Variants in GPC6 observed in about 807,000 individuals in gnomAD.
The protein encoded by GPC6 is glypican-6.
Under a neutral mutation model 55.2 loss-of-function variants are expected in GPC6, and 14 were observed. The observed-to-expected ratio is 0.25, with a 90% CI of 0.17 to 0.40. GPC6 has a LOEUF of 0.40. Among genes scored for constraint, GPC6 ranks in the 10% least tolerant of loss-of-function variants. The probability of loss-of-function intolerance (pLI) is 1.00; values close to 1 mark genes in which losing one functional copy is unlikely to be tolerated. For missense variants in GPC6, 641 were observed against 708.5 expected (o/e 0.90, Z 1.08); for synonymous variants, 278 against 259.6 (o/e 1.07, Z -0.68).
At chr13:93,806,308 A>AT (rs926238427) in intron 2 of GPC6, among the ~76,000 whole-genome samples, 1 of 151,422 alleles carries the variant, frequency 6.6e-6, no homozygotes, top group Admixed American at 6.6e-5. Context: ...ACAACGTATA[A>AT]TTTTTTTTTC....
chr13:93,661,051 G>C (rs1880900044), intron 2 of GPC6, among the ~76,000 whole-genome samples: 1 of 152,144 alleles, frequency 6.6e-6, no homozygotes, highest in Non-Finnish European at 1.5e-5. Flanking sequence ...AAGATTTACT[G>C]CACTTCTTGG....
chr13:93,267,563 C>T (rs1877366526), intron 1 of GPC6, among the ~76,000 whole-genome samples: 2 of 152,010 alleles, frequency 1.3e-5, no homozygotes, highest in African/African-American at 2.4e-5. Flanking sequence ...TCTAAATGAT[C>T]TTATATAAGT....
intron 3 of GPC6, among the ~76,000 whole-genome samples, chr13:93,890,385 G>A (rs777751591): frequency 3.3e-5 from 5 of 152,042 alleles, no homozygotes; most frequent in Non-Finnish European, 7.4e-5. Context: ...ACTTCTGCAT[G>A]CCTTTATATA....
At chr13:94,015,898 A>G (rs1414557009) in intron 3 of GPC6, among the ~76,000 whole-genome samples, 2 of 152,166 alleles carry the variant, frequency 1.3e-5, no homozygotes, top group African/African-American at 2.4e-5. Context: ...CATTGTTGCT[A>G]TTTTACAAAA....
At chr13:93,819,678 T>C (rs75798716) in intron 2 of GPC6, among the ~76,000 whole-genome samples, 2,448 of 152,306 alleles carry the variant, frequency 0.016, 32 homozygotes, top group Non-Finnish European at 0.026. Flanking sequence ...TAGGGTGAGA[T>C]AGAAATGCAG....
At chr13:94,236,886 C>CT (rs34883180) in intron 4 of GPC6, among the ~76,000 whole-genome samples, 76,798 of 144,770 alleles carry the variant, frequency 0.53, 20,394 homozygotes, top group East Asian at 0.63. Flanking sequence ...AAGCAGAAAG[C>CT]TTTTTTTTTT....
chr13:93,416,406 G>A (rs1054728620), intron 1 of GPC6, among the ~76,000 whole-genome samples: 1 of 151,808 alleles, frequency 6.6e-6, no homozygotes, highest in Non-Finnish European at 1.5e-5. Flanking sequence ...TTTGATTTTC[G>A]ATTTTTGTGA....
At chr13:93,897,119 G>A (rs1332804890) in intron 3 of GPC6, among the ~76,000 whole-genome samples, 1 of 151,472 alleles carries the variant, frequency 6.6e-6, no homozygotes, top group Non-Finnish European at 1.5e-5. Flanking sequence ...AAAAAATAAA[G>A]TGGACCTCAT....
intron 2 of GPC6, among the ~76,000 whole-genome samples, chr13:93,711,607 T>A (rs1883069581): frequency 6.6e-6 from 1 of 151,326 alleles, no homozygotes; most frequent in East Asian, 2.0e-4. Flanking sequence ...GGTCTAAGAA[T>A]CTCCAGTTGT....
upstream of GPC6, among the ~76,000 whole-genome samples, chr13:93,225,230 A>T (rs746789813): frequency 7.2e-5 from 11 of 152,208 alleles, no homozygotes; most frequent in African/African-American, 9.7e-5. Flanking sequence ...TACAAAGAGA[A>T]GTTTGAAGGA....
At chr13:93,223,042 A>C (rs867627772), upstream of GPC6, among the ~76,000 whole-genome samples, 361 of 32,038 alleles carry the variant, frequency 0.011, 2 homozygotes, top group African/African-American at 0.035. Flanking sequence ...TTTTTTTTTC[A>C]GAAATCTCCA....
chr13:94,119,247 GA>G (rs1312305257), intron 4 of GPC6, among the ~76,000 whole-genome samples: 4 of 151,204 alleles, frequency 2.6e-5, no homozygotes, highest in East Asian at 1.9e-4. Flanking sequence ...ACATTCTGGA[GA>G]AAAAAAAGGG....
chr13:93,829,651 T>G (rs931894761), intron 2 of GPC6, among the ~76,000 whole-genome samples: 2 of 152,172 alleles, frequency 1.3e-5, no homozygotes, highest in African/African-American at 4.8e-5. Flanking sequence ...TTGCTATATA[T>G]AGAAACTAGA....
At chr13:94,004,392 G>A (rs556032136) in intron 3 of GPC6, among the ~76,000 whole-genome samples, 7 of 151,660 alleles carry the variant, frequency 4.6e-5, no homozygotes, top group Non-Finnish European at 8.8e-5. Flanking sequence ...TGATGTGACC[G>A]AGCCAGGCAC....
At chr13:93,418,511 C>T (rs141870775) in intron 1 of GPC6, among the ~76,000 whole-genome samples, 1,533 of 151,316 alleles carry the variant, frequency 0.01, 22 homozygotes, top group African/African-American at 0.033. Flanking sequence ...ATTAATAGCA[C>T]TATACCATAG....
intron 4 of GPC6, among the ~76,000 whole-genome samples, chr13:94,270,312 A>G (rs1201630709): frequency 6.6e-6 from 1 of 152,258 alleles, no homozygotes; most frequent in East Asian, 1.9e-4. Flanking sequence ...TAATAGTGCA[A>G]AATCAGGTAA....
chr13:93,802,967 T>A (rs1886426609), intron 2 of GPC6, among the ~76,000 whole-genome samples: 1 of 152,168 alleles, frequency 6.6e-6, no homozygotes, highest in African/African-American at 2.4e-5. Flanking sequence ...TCTGAAAACA[T>A]GTTATTTTTC....
At chr13:94,345,138 C>A (rs1244087858) in intron 6 of GPC6, among the ~76,000 whole-genome samples, 1 of 152,144 alleles carries the variant, frequency 6.6e-6, no homozygotes, top group African/African-American at 2.4e-5. Flanking sequence ...AAAATTCACC[C>A]TGTTTCTCAA....
chr13:94,107,516 A>G (rs560262801), intron 4 of GPC6, among the ~76,000 whole-genome samples: 1 of 151,570 alleles, frequency 6.6e-6, no homozygotes, highest in South Asian at 2.1e-4. Context: ...TCTACTCCTT[A>G]CTAGATAAAT....
Sources: allele counts gnomAD v4.1 joint callset (sites outside exome capture counted in the v4.1 genomes callset), GRCh38; gene constraint gnomAD v4.1.1; transcripts MANE v1.5; gene names NCBI Gene and HGNC (gene_info 2026-07-23, HGNC 2026-07-21).